The following CD84 variants were observed in gnomAD, a reference collection of about 807,000 sequenced individuals.
The protein encoded by CD84 is SLAM family member 5.
CD84 carries 22 observed loss-of-function variants against 33.8 expected under a neutral mutation model. That is an observed-to-expected ratio of 0.65 (90% confidence interval 0.46 to 0.93). The LOEUF (loss-of-function observed/expected upper bound fraction) is 0.93. Among genes scored for constraint, CD84 ranks in the 40% least tolerant of loss-of-function variants. The pLI, the probability that CD84 is intolerant of heterozygous loss-of-function variation, is 0.00. For synonymous variants in CD84, 154 were observed against 145.2 expected (o/e 1.06, Z -0.44); for missense variants, 400 against 397.6 (o/e 1.01, Z -0.05).
chr1:160,549,005 C>T (rs1476204691), intron 6 of CD84, among the ~76,000 whole-genome samples: 1 of 152,090 alleles, frequency 6.6e-6, no homozygotes, highest in African/African-American at 2.4e-5. Flanking sequence ...CTTTTCTTCT[C>T]CTCTTCTTTC....
intron 2 of CD84, among the ~76,000 whole-genome samples, chr1:160,555,128 T>C (rs912304728): frequency 6.6e-6 from 1 of 151,144 alleles, no homozygotes; most frequent in Admixed American, 6.6e-5. Context: ...TCACCCAGGC[T>C]GGAGTGCAGT....
Position 160,547,125 on chromosome 1 carries a change from C to T in CD84, c.*1131G>A. 5.0e-6 allele frequency: 2 copies of T among 398,854 alleles called. No individual in the cohort carries two copies. The highest frequency in any genetic ancestry group is 8.8e-6 in the Non-Finnish European group (2 of 226,048). The allele number at this position is 398,854 out of a possible 1,614,324, so 24.7% of individuals were successfully genotyped here. A position where few individuals can be genotyped will look rare whatever the true frequency, so the allele number is the denominator to read the frequency against. ...ATGCCTGTGTAAGCTGGCTGGTGATCTGTTTGTGGGGCATGCCAGGGTGGC... is the reference window on the plus strand; with the variant it reads ...ATGCCTGTGTAAGCTGGCTGGTGATTTGTTTGTGGGGCATGCCAGGGTGGC... On this transcript the variant is annotated 3_prime_UTR_variant, in exon 7 of 7. Transcript: ENST00000368054.
At chr1:160,551,067 T>G (rs1430649458) in intron 4 of CD84, 32 bp from the exon 5 acceptor site, 1 of 1,521,402 alleles carries the variant, frequency 6.6e-7, no homozygotes, top group African/African-American at 1.4e-5. Flanking sequence ...ACCCACAGTC[T>G]GTGAAAGGTG....
At chr1:160,570,976 T>C (rs1483772517) in intron 1 of CD84, 1 of 152,194 alleles carries the variant, frequency 6.6e-6, no homozygotes, top group Non-Finnish European at 1.5e-5. Flanking sequence ...AGACAGACAT[T>C]CTGAGTCATG....
At chr1:160,574,338 A>G (rs1657872611) in intron 1 of CD84, among the ~76,000 whole-genome samples, 1 of 152,104 alleles carries the variant, frequency 6.6e-6, no homozygotes, top group South Asian at 2.1e-4. Context: ...CTGTTTGTGA[A>G]GAAAATTTTT....
At chr1:160,549,601 A>G (rs1376418072) in intron 6 of CD84, among the ~76,000 whole-genome samples, 2 of 152,020 alleles carry the variant, frequency 1.3e-5, no homozygotes, top group African/African-American at 4.8e-5. Context: ...TCTCATTTTC[A>G]CACTGTGAGC....
intron 2 of CD84, among the ~76,000 whole-genome samples, chr1:160,556,941 A>T (rs1656649716): frequency 6.6e-6 from 1 of 152,214 alleles, no homozygotes. Flanking sequence ...TAAAGGGTTG[A>T]CATTTGGGTA....
At chr1:160,550,036 C>T (rs1284538060) in intron 5 of CD84, 57 bp from the exon 6 acceptor site, 13 of 1,193,828 alleles carry the variant, frequency 1.1e-5, no homozygotes, top group Non-Finnish European at 1.6e-5. Context: ...TACAAGTCCC[C>T]TTTCCTAATT....
At chr1:160,550,128 T>C (rs1031683426) in intron 5 of CD84, 149 bp from the exon 6 acceptor site, 6 of 684,086 alleles carry the variant, frequency 8.8e-6, no homozygotes, top group Non-Finnish European at 1.6e-5. Context: ...TCCATCCAAC[T>C]CTGGAGAGGC....
Position 160,541,176 on chromosome 1 carries a change from A to C in CD84, c.*7080T>G, listed in dbSNP as rs1655524615. 1 of 152,220 alleles carries C rather than the reference A, an allele frequency of 6.6e-6. No individual in the cohort carries two copies. Among genetic ancestry groups the C allele is most frequent in the East Asian group, 1.9e-4 (1 of 5,202 alleles). The allele number at this position is 152,220 out of a possible 1,614,324, so 9.4% of individuals were successfully genotyped here. A position where few individuals can be genotyped will look rare whatever the true frequency, so the allele number is the denominator to read the frequency against. ...ATTTCTTAGGCACTTACAAGGTAAA[A>C]TTTATGAACCATACTTTATTAATGG... On this transcript the variant is annotated 3_prime_UTR_variant, in exon 7 of 7. Coordinates refer to ENST00000368054, the MANE Select transcript of CD84 (RefSeq NM_003874.4).
Position 160,549,908 on chromosome 1 carries a change from AG to A in CD84, c.921+8del, listed in dbSNP as rs753426285. On this transcript the variant is annotated splice_region_variant and intron_variant, in intron 6 of 6. Transcript: ENST00000368054. The stretch of plus-strand genomic sequence containing the variant: ...GGAAAGCAAGGATAAAAAGCCAGAA[AG>A]GGGTTACCTTATCAGCAAACTGCAC... The A allele has an allele frequency of 6.9e-6, 11 of 1,603,718 alleles. No individual in the cohort carries two copies. In the African/African-American group the frequency reaches 1.3e-4, roughly 20 times the overall value.
chr1:160,567,412 C>T lies in CD84; in HGVS notation c.47-1667G>A, dbSNP rs186643135. Among the ~76,000 whole-genome samples, 3 of 152,180 alleles carry T rather than the reference C, an allele frequency of 2.0e-5. No individual in the cohort carries two copies. The East Asian group carries it at 5.8e-4, about 29-fold the overall frequency. On this transcript the variant is annotated intron_variant, in intron 1 of 6. Transcript: ENST00000368054. ...GAGATTTTCCCGTAGGAGCAGTATC[C>T]GGGACAAGGCCTGAGGATTTAGTTG...
At chr1:160,559,493 G>C (rs532540424) in intron 2 of CD84, among the ~76,000 whole-genome samples, 1 of 152,232 alleles carries the variant, frequency 6.6e-6, no homozygotes, top group Non-Finnish European at 1.5e-5. Context: ...ACTAAATAAG[G>C]AAAGGGAAAA....
At chr1:160,572,119 G>T (rs894198142) in intron 1 of CD84, among the ~76,000 whole-genome samples, 2 of 152,222 alleles carry the variant, frequency 1.3e-5, no homozygotes, top group African/African-American at 4.8e-5. Flanking sequence ...GTGGGCTTGT[G>T]CTCATGTTCA....
intron 1 of CD84, among the ~76,000 whole-genome samples, chr1:160,573,153 C>A (rs1012475427): frequency 6.6e-6 from 1 of 151,918 alleles, no homozygotes; most frequent in Non-Finnish European, 1.5e-5. Context: ...TTTGAAAAAA[C>A]AAAAAACAAA....
At chr1:160,552,096 G>A (rs1029176284) in intron 4 of CD84, among the ~76,000 whole-genome samples, 1 of 152,190 alleles carries the variant, frequency 6.6e-6, no homozygotes, top group Non-Finnish European at 1.5e-5. Flanking sequence ...TAACAGGTCT[G>A]AGCTGAGCAG....
chr1:160,567,608 C>G (rs1373567109), intron 1 of CD84, among the ~76,000 whole-genome samples: 1 of 152,090 alleles, frequency 6.6e-6, no homozygotes, highest in Non-Finnish European at 1.5e-5. Flanking sequence ...CCCTGAGGAG[C>G]TCACAGCCTA....
In CD84 at chr1:160,544,484, T is replaced by A. The variant is rs1211892792; in HGVS notation, c.*3772A>T. On this transcript the variant is annotated 3_prime_UTR_variant, in exon 7 of 7. Transcript: ENST00000368054. Reference sequence around the variant, plus strand: ...TACAATCAGTAGACACTGTCACTAATTATTGAGAAAATTTATACAAATCAA... The same window carrying A: ...TACAATCAGTAGACACTGTCACTAAATATTGAGAAAATTTATACAAATCAA... 1 of 152,114 alleles carries A rather than the reference T, an allele frequency of 6.6e-6. No individual in the cohort carries two copies. The highest frequency in any genetic ancestry group is 2.4e-5 in the African/African-American group (1 of 41,412). The allele number at this position is 152,114 out of a possible 1,614,324, so 9.4% of individuals were successfully genotyped here.
intron 1 of CD84, among the ~76,000 whole-genome samples, chr1:160,569,538 A>ACACG (rs1165103555): frequency 2.5e-4 from 22 of 88,160 alleles, no homozygotes; most frequent in African/African-American, 6.5e-4. Flanking sequence ...ACACACACAC[A>ACACG]CACGCACGCA....
Sources: allele counts gnomAD v4.1 joint callset (sites outside exome capture counted in the v4.1 genomes callset), GRCh38; gene constraint gnomAD v4.1.1; transcripts MANE v1.5; gene names NCBI Gene and HGNC (gene_info 2026-07-23, HGNC 2026-07-21).